Variants in RUNDC3B observed in about 807,000 individuals in gnomAD.
The protein encoded by RUNDC3B is RUN domain containing 3B.
RUNDC3B carries 33 observed loss-of-function variants against 58.4 expected under a neutral mutation model. The ratio of observed to expected loss-of-function variants is 0.56; its 90% CI spans 0.43 to 0.75. The LOEUF is 0.75. Ranked by LOEUF, RUNDC3B falls within the 30% of genes least tolerant of loss-of-function variation. The pLI is 0.00. For missense variants in RUNDC3B, 501 were observed against 535.7 expected (o/e 0.94, Z 0.64); for synonymous variants, 193 against 195.2 (o/e 0.99, Z 0.10).
At chr7:87,777,030 A>G (rs769615469) in intron 7 of RUNDC3B, among the ~76,000 whole-genome samples, 1 of 152,184 alleles carries the variant, frequency 6.6e-6, no homozygotes, top group Non-Finnish European at 1.5e-5. Context: ...GAATTCAGAA[A>G]TTTAGTACAA....
At chr7:87,633,179 A>C (rs1414930713) in intron 1 of RUNDC3B, among the ~76,000 whole-genome samples, 1 of 152,240 alleles carries the variant, frequency 6.6e-6, no homozygotes, top group East Asian at 1.9e-4. Context: ...AGTTAAGCTT[A>C]AAATCCTTCA....
At chr7:87,655,359 C>A (rs575368887) in intron 2 of RUNDC3B, among the ~76,000 whole-genome samples, 6 of 151,988 alleles carry the variant, frequency 3.9e-5, no homozygotes, top group Admixed American at 3.3e-4. Context: ...AAAAAAGTTG[C>A]GTATATAAAC....
intron 10 of RUNDC3B, among the ~76,000 whole-genome samples, chr7:87,822,257 C>A (rs1270555825): frequency 6.6e-6 from 1 of 152,172 alleles, no homozygotes; most frequent in South Asian, 2.1e-4. Flanking sequence ...CAAAAGAAGA[C>A]ATTTATGCAG....
intron 8 of RUNDC3B, among the ~76,000 whole-genome samples, chr7:87,802,875 A>G (rs990073872): frequency 6.6e-6 from 1 of 152,024 alleles, no homozygotes; most frequent in African/African-American, 2.4e-5. Context: ...GGTCCCAGCT[A>G]TTGGGAGATG....
At chr7:87,814,599 G>A (rs927304851) in intron 9 of RUNDC3B, among the ~76,000 whole-genome samples, 1 of 152,026 alleles carries the variant, frequency 6.6e-6, no homozygotes, top group Non-Finnish European at 1.5e-5. Context: ...GATGAAATAA[G>A]TTCATATATA....
intron 6 of RUNDC3B, among the ~76,000 whole-genome samples, chr7:87,753,756 A>C (rs964803248): frequency 1.3e-5 from 2 of 152,058 alleles, no homozygotes; most frequent in African/African-American, 2.4e-5. Context: ...TTCTTTGTCA[A>C]CTCCACCTCA....
intron 2 of RUNDC3B, among the ~76,000 whole-genome samples, chr7:87,694,530 A>G (rs1425786626): frequency 6.6e-6 from 1 of 152,232 alleles, no homozygotes; most frequent in Non-Finnish European, 1.5e-5. Flanking sequence ...GAGAAAAAGT[A>G]AAAAACAAAT....
intron 4 of RUNDC3B, among the ~76,000 whole-genome samples, chr7:87,712,368 C>T (rs1830165725): frequency 6.6e-6 from 1 of 151,872 alleles, no homozygotes; most frequent in Admixed American, 6.6e-5. Flanking sequence ...ACTTGATAAG[C>T]ATTGAGGATA....
At chr7:87,730,093 C>T (rs1211309217) in intron 4 of RUNDC3B, among the ~76,000 whole-genome samples, 2 of 152,200 alleles carry the variant, frequency 1.3e-5, no homozygotes, top group Non-Finnish European at 2.9e-5. Context: ...AGGCAGTTCT[C>T]ACCACAGGCC....
intron 6 of RUNDC3B, among the ~76,000 whole-genome samples, chr7:87,767,044 A>T (rs1295703506): frequency 6.6e-6 from 1 of 152,070 alleles, no homozygotes; most frequent in African/African-American, 2.4e-5. Context: ...AAGCTTTCAA[A>T]TGTATTTTGA....
intron 2 of RUNDC3B, among the ~76,000 whole-genome samples, chr7:87,678,782 A>C (rs1272994368): frequency 3.9e-5 from 6 of 152,210 alleles, no homozygotes. Context: ...AGTAGATTTA[A>C]TTATATATCA....
At chr7:87,813,949 C>A (rs191773033) in intron 9 of RUNDC3B, among the ~76,000 whole-genome samples, 2,026 of 151,466 alleles carry the variant, frequency 0.013, 46 homozygotes, top group African/African-American at 0.046. Context: ...CCACTGCACT[C>A]CAGCCTGGGC....
At chr7:87,787,825 T>A (rs1835303292) in intron 8 of RUNDC3B, among the ~76,000 whole-genome samples, 1 of 152,210 alleles carries the variant, frequency 6.6e-6, no homozygotes, top group Non-Finnish European at 1.5e-5. Context: ...CTTTATAAAT[T>A]CACTCAGGGA....
intron 1 of RUNDC3B, among the ~76,000 whole-genome samples, chr7:87,647,006 T>C (rs1247601724): frequency 2.0e-5 from 3 of 152,216 alleles, no homozygotes; most frequent in Non-Finnish European, 4.4e-5. Flanking sequence ...TACTATGTAG[T>C]TGAACATTAA....
At chr7:87,801,642 A>G (rs1046889171) in intron 8 of RUNDC3B, among the ~76,000 whole-genome samples, 2 of 152,030 alleles carry the variant, frequency 1.3e-5, no homozygotes, top group African/African-American at 4.8e-5. Flanking sequence ...TGTGGCACAT[A>G]CCTGTAGTCC....
intron 8 of RUNDC3B, among the ~76,000 whole-genome samples, chr7:87,785,996 G>C (rs1835191681): frequency 6.6e-6 from 1 of 152,188 alleles, no homozygotes. Flanking sequence ...TGTGCTAAGA[G>C]ATTCTATGCA....
At chr7:87,812,091 A>G (rs536608637) in intron 9 of RUNDC3B, among the ~76,000 whole-genome samples, 8 of 152,340 alleles carry the variant, frequency 5.3e-5, no homozygotes, top group African/African-American at 1.9e-4. Context: ...TGCATAGATT[A>G]ATCATTTATT....
chr7:87,716,573 G>A (rs1830566249), intron 4 of RUNDC3B, among the ~76,000 whole-genome samples: 1 of 152,144 alleles, frequency 6.6e-6, no homozygotes. Context: ...ATTTGTCTCT[G>A]CGTAGCCTGC....
intron 6 of RUNDC3B, among the ~76,000 whole-genome samples, chr7:87,744,124 G>A (rs1323512736): frequency 6.6e-6 from 1 of 152,066 alleles, no homozygotes; most frequent in Non-Finnish European, 1.5e-5. Flanking sequence ...TTGGCTGTAA[G>A]TATTTGGGTT....
Sources: gnomAD v4.1 joint callset for allele counts (sites outside exome capture counted in the v4.1 genomes callset) on GRCh38, gnomAD v4.1.1 for gene constraint, MANE v1.5 for transcripts, NCBI Gene and HGNC (gene_info 2026-07-23, HGNC 2026-07-21) for gene names.